The following SVEP1 variants were observed in gnomAD, a reference collection of about 807,000 sequenced individuals.
SVEP1 encodes sushi, von Willebrand factor type A, EGF and pentraxin domain containing 1.
Under a neutral mutation model 367.3 loss-of-function variants are expected in SVEP1, and 164 were observed. The ratio of observed to expected loss-of-function variants is 0.45; its 90% CI spans 0.39 to 0.51. The LOEUF is 0.51. Ranked by LOEUF, SVEP1 falls within the 20% of genes least tolerant of loss-of-function variation. The pLI, the probability that SVEP1 is intolerant of heterozygous loss-of-function variation, is 0.00. For missense variants in SVEP1, 4,117 were observed against 4,425.3 expected (o/e 0.93, Z 1.98); for synonymous variants, 1,666 against 1,611.6 (o/e 1.03, Z -0.81).
intron 47 of SVEP1, among the ~76,000 whole-genome samples, chr9:110,367,132 G>A (rs1325284292): frequency 6.6e-6 from 1 of 152,178 alleles, no homozygotes; most frequent in Non-Finnish European, 1.5e-5. Context: ...TTATTGAGCA[G>A]CGACTTTTGT....
chr9:110,415,702 G>A (rs553160625), intron 36 of SVEP1, among the ~76,000 whole-genome samples: 1 of 151,970 alleles, frequency 6.6e-6, no homozygotes, highest in South Asian at 2.1e-4. Context: ...ACAACAGTCT[G>A]AAAACCCTCC....
intron 3 of SVEP1, among the ~76,000 whole-genome samples, chr9:110,539,180 C>T (rs565061789): frequency 2.6e-5 from 4 of 151,934 alleles, no homozygotes; most frequent in Non-Finnish European, 2.9e-5. Flanking sequence ...GGATACCAAA[C>T]GAATTAGAAA....
chr9:110,380,647 A>T (rs1378888758), intron 43 of SVEP1, among the ~76,000 whole-genome samples: 1 of 152,050 alleles, frequency 6.6e-6, no homozygotes, highest in African/African-American at 2.4e-5. Flanking sequence ...ATTGGCCTGA[A>T]GTTTTCTTTT....
intron 1 of SVEP1, among the ~76,000 whole-genome samples, chr9:110,573,559 A>T (rs868543663): frequency 3.3e-5 from 5 of 149,528 alleles, no homozygotes; most frequent in Non-Finnish European, 1.5e-5. Flanking sequence ...AACAATGAGG[A>T]AAGCAGATTT....
chr9:110,371,299 G>T (rs1001410721), intron 46 of SVEP1, among the ~76,000 whole-genome samples: 2 of 152,164 alleles, frequency 1.3e-5, no homozygotes, highest in Admixed American at 1.3e-4. Flanking sequence ...AATTAGCAGT[G>T]CCTGACTGCA....
At chr9:110,452,082 C>A (rs1028904956) in intron 22 of SVEP1, among the ~76,000 whole-genome samples, 4 of 152,094 alleles carry the variant, frequency 2.6e-5, no homozygotes, top group African/African-American at 9.7e-5. Context: ...TAACTCATGG[C>A]ATTATGTAAC....
At chr9:110,474,227 T>TGACCTCAGGTGATCTGCC (rs1340469134) in intron 14 of SVEP1, among the ~76,000 whole-genome samples, 5 of 152,182 alleles carry the variant, frequency 3.3e-5, no homozygotes, top group African/African-American at 1.2e-4. Context: ...CTCTAACTCC[T>TGACCTCAGGTGATCTGCC]GACCTCAGGT....
chr9:110,427,306 A>G (rs1828268968), intron 36 of SVEP1, among the ~76,000 whole-genome samples: 1 of 131,522 alleles, frequency 7.6e-6, no homozygotes, highest in Non-Finnish European at 1.5e-5. Flanking sequence ...CTGTCTCAAA[A>G]AAAAAAAAAA....
In SVEP1 at chr9:110,457,369, A is replaced by C; in HGVS notation, c.3577-17T>G. 6.3e-7 allele frequency: 1 copy of C among 1,583,014 alleles called. No individual in the cohort carries two copies. Among genetic ancestry groups the C allele is most frequent in the Non-Finnish European group, 8.7e-7 (1 of 1,156,052 alleles). ...ATGGAAAACCTACCAGTAGCATAAAAAAATCAATCAGAGACAAAGCACTCT... is the reference window on the plus strand; with the variant it reads ...ATGGAAAACCTACCAGTAGCATAAACAAATCAATCAGAGACAAAGCACTCT... On this transcript the variant is annotated splice_polypyrimidine_tract_variant and intron_variant, in intron 20 of 47. Transcript: ENST00000374469.
At chr9:110,445,186 A>C (rs1234715069) in intron 26 of SVEP1, among the ~76,000 whole-genome samples, 1 of 152,232 alleles carries the variant, frequency 6.6e-6, no homozygotes, top group Admixed American at 6.5e-5. Flanking sequence ...GTCAGTGGAC[A>C]GCTCAGTGAT....
intron 1 of SVEP1, among the ~76,000 whole-genome samples, chr9:110,572,648 GC>G (rs988662649): frequency 6.6e-6 from 1 of 151,966 alleles, no homozygotes; most frequent in African/African-American, 2.4e-5. Flanking sequence ...GGTCACTTGA[GC>G]CCAGGAGTTC....
intron 10 of SVEP1, among the ~76,000 whole-genome samples, chr9:110,483,330 C>A (rs1260409003): frequency 1.3e-5 from 2 of 151,994 alleles, no homozygotes; most frequent in African/African-American, 4.8e-5. Flanking sequence ...TCATTAGCAC[C>A]CTGCTAGGTA....
chr9:110,438,397 C>G (rs1828463639), intron 27 of SVEP1, among the ~76,000 whole-genome samples: 1 of 151,812 alleles, frequency 6.6e-6, no homozygotes, highest in Non-Finnish European at 1.5e-5. Flanking sequence ...CGCCCACCCT[C>G]ACCACGCATG....
At chr9:110,443,967 G>T (rs1381791583) in intron 26 of SVEP1, among the ~76,000 whole-genome samples, 1 of 152,252 alleles carries the variant, frequency 6.6e-6, no homozygotes, top group South Asian at 2.1e-4. Flanking sequence ...GTAGGAAAAA[G>T]TCTTAGGATG....
At chr9:110,369,749 T>C (rs922847302) in intron 47 of SVEP1, 174 bp downstream of exon 47, 1 of 597,988 alleles carries the variant, frequency 1.7e-6, no homozygotes, top group Non-Finnish European at 2.9e-6. Flanking sequence ...TGAACTAATA[T>C]TTCTTAGCTT....
intron 8 of SVEP1, among the ~76,000 whole-genome samples, chr9:110,492,831 G>T (rs1424152572): frequency 1.3e-5 from 2 of 152,106 alleles, no homozygotes; most frequent in African/African-American, 4.8e-5. Context: ...CTGGGCAGAA[G>T]AAATCCATAG....
intron 18 of SVEP1, among the ~76,000 whole-genome samples, chr9:110,460,539 G>A (rs1395556727): frequency 6.6e-6 from 1 of 152,178 alleles, no homozygotes; most frequent in Non-Finnish European, 1.5e-5. Flanking sequence ...AATCACTTGA[G>A]GTCAGGAGTT....
intron 3 of SVEP1, among the ~76,000 whole-genome samples, chr9:110,516,256 T>C (rs1829802801): frequency 6.6e-6 from 1 of 150,964 alleles, no homozygotes; most frequent in South Asian, 2.1e-4. Context: ...CATTACAATA[T>C]ACTAAAAAAA....
chr9:110,445,733 G>T, intron 26 of SVEP1, 104 bp downstream of exon 26: 1 of 1,286,202 alleles, frequency 7.8e-7, no homozygotes. Context: ...CTGTTTTCTG[G>T]GAACACCTGA....
Sources: gnomAD v4.1 joint callset for allele counts (sites outside exome capture counted in the v4.1 genomes callset) on GRCh38, gnomAD v4.1.1 for gene constraint, MANE v1.5 for transcripts, NCBI Gene and HGNC (gene_info 2026-07-23, HGNC 2026-07-21) for gene names.